Variants in PAPPA2 observed in about 807,000 individuals in gnomAD.
PAPPA2 encodes the protein pappalysin-2.
Under a neutral mutation model 176.4 loss-of-function variants are expected in PAPPA2, and 86 were observed. The observed-to-expected ratio is 0.49, with a 90% CI of 0.41 to 0.58. The LOEUF (loss-of-function observed/expected upper bound fraction) is 0.58. PAPPA2 is among the 20% of genes least tolerant of loss of function. The probability of loss-of-function intolerance (pLI) is 0.00; values close to 1 mark genes in which losing one functional copy is unlikely to be tolerated. For missense variants in PAPPA2, 2,073 were observed against 2,256.9 expected, an observed-to-expected ratio of 0.92 and a Z score of 1.65; for synonymous variants, 809 against 852.2, an observed-to-expected ratio of 0.95 and a Z score of 0.88.
intron 2 of PAPPA2, among the ~76,000 whole-genome samples, chr1:176,582,203 A>T (rs1188436648): frequency 6.6e-6 from 1 of 152,102 alleles, no homozygotes; most frequent in African/African-American, 2.4e-5. Context: ...TTGGGATTGC[A>T]GGCATGAGCC....
intron 3 of PAPPA2, among the ~76,000 whole-genome samples, chr1:176,647,752 T>C (rs898821453): frequency 6.6e-6 from 1 of 151,666 alleles, no homozygotes; most frequent in Admixed American, 6.6e-5. Flanking sequence ...CTGGGTTCTC[T>C]ACTTTGTTCC....
chr1:176,524,364 G>A (rs578115193), intron 1 of PAPPA2, among the ~76,000 whole-genome samples: 18 of 152,290 alleles, frequency 1.2e-4, no homozygotes, highest in African/African-American at 4.1e-4. Flanking sequence ...TCATGGGCCA[G>A]CCCTCAGGTC....
intron 18 of PAPPA2, among the ~76,000 whole-genome samples, chr1:176,790,234 G>A (rs1665116761): frequency 6.6e-6 from 1 of 152,158 alleles, no homozygotes; most frequent in Admixed American, 6.5e-5. Flanking sequence ...CAAAAAGAAT[G>A]CTGGGATCCT....
At chr1:176,596,588 G>T (rs1558462098) in intron 3 of PAPPA2, among the ~76,000 whole-genome samples, 1 of 152,188 alleles carries the variant, frequency 6.6e-6, no homozygotes, top group African/African-American at 2.4e-5. Context: ...TAGTACTTCA[G>T]ATAATTTGTC....
chr1:176,800,248 T>C (rs1665625495), intron 21 of PAPPA2, 116 bp downstream of exon 21: 1 of 889,654 alleles, frequency 1.1e-6, no homozygotes, highest in African/African-American at 1.7e-5. Flanking sequence ...CTGTCCTTTG[T>C]TTAACTTCTT....
intron 8 of PAPPA2, among the ~76,000 whole-genome samples, chr1:176,701,271 C>A (rs889286906): frequency 5.3e-5 from 8 of 152,196 alleles, no homozygotes; most frequent in Non-Finnish European, 1.5e-5. Context: ...GGGCTACCTG[C>A]CGCTGAGTTT....
intron 2 of PAPPA2, among the ~76,000 whole-genome samples, chr1:176,579,747 A>G (rs1159165145): frequency 2.0e-5 from 3 of 152,186 alleles, no homozygotes; most frequent in Non-Finnish European, 2.9e-5. Flanking sequence ...CCTTACTGGC[A>G]TTTGCTAACT....
At chr1:176,760,999 T>C (rs1416183504) in intron 14 of PAPPA2, among the ~76,000 whole-genome samples, 1 of 151,988 alleles carries the variant, frequency 6.6e-6, no homozygotes, top group Non-Finnish European at 1.5e-5. Context: ...TTTTTTGTAT[T>C]TTTAGTAGAG....
At chr1:176,691,939 TCTC>T (rs1384563709) in intron 5 of PAPPA2, among the ~76,000 whole-genome samples, 184 bp from the exon 6 acceptor site, 1 of 152,190 alleles carries the variant, frequency 6.6e-6, no homozygotes, top group Non-Finnish European at 1.5e-5. Flanking sequence ...GTCTCTGTCT[TCTC>T]TTACCCTTTC....
chr1:176,595,016 G>C lies in PAPPA2; in HGVS notation c.1412G>C (p.Arg471Thr). The C allele has an allele frequency of 1.9e-6, 3 of 1,614,188 alleles. No homozygotes were observed. The change falls in exon 3 of 23, where the codon AGA (arginine) becomes ACA (threonine). Residue 471 changes from arginine to threonine, a missense_variant. Arg to Thr is a moderately conservative substitution (Grantham distance 71, BLOSUM62 -1). Around this residue, in one of 4 missense-constraint regions of PAPPA2, gnomAD observed 1,196 missense variants for 1,330.4 expected, o/e 0.90. Coordinates refer to ENST00000367662, the MANE Select transcript of PAPPA2 (RefSeq NM_020318.3). ...GTGAACACAGAGTGGGTTCCCTTTA[G>C]AGATGAGAAGTACCCACGACTTGAG... ...EPVNTEWVPF[R>T]DEKYPRLEVL...
At chr1:176,486,182 G>A (rs1157715524) in intron 1 of PAPPA2, among the ~76,000 whole-genome samples, 1 of 152,210 alleles carries the variant, frequency 6.6e-6, no homozygotes, top group African/African-American at 2.4e-5. Context: ...GAAAGATAGA[G>A]AACTTTTCTT....
At chr1:176,472,211 A>T (rs1651910592) in intron 1 of PAPPA2, among the ~76,000 whole-genome samples, 2 of 152,142 alleles carry the variant, frequency 1.3e-5, no homozygotes, top group Admixed American at 1.3e-4. Flanking sequence ...TCTTTTATTC[A>T]ATTGTTTTCA....
intron 20 of PAPPA2, among the ~76,000 whole-genome samples, chr1:176,797,842 GT>G (rs1665515450): frequency 6.6e-6 from 1 of 152,032 alleles, no homozygotes; most frequent in African/African-American, 2.4e-5. Context: ...CTAAGTACTT[GT>G]TTTATTAATG....
chr1:176,609,474 T>C (rs771224878), intron 3 of PAPPA2, among the ~76,000 whole-genome samples: 3 of 152,054 alleles, frequency 2.0e-5, no homozygotes, highest in Non-Finnish European at 4.4e-5. Context: ...AAACAGAGAG[T>C]ACTTGCCATG....
chr1:176,638,401 A>G (rs1266719593), intron 3 of PAPPA2, among the ~76,000 whole-genome samples: 2 of 152,022 alleles, frequency 1.3e-5, no homozygotes, highest in African/African-American at 4.8e-5. Flanking sequence ...TGGTGGGTAG[A>G]TATTTGGTGG....
chr1:176,654,994 A>G (rs1429537646), intron 3 of PAPPA2, among the ~76,000 whole-genome samples: 1 of 151,852 alleles, frequency 6.6e-6, no homozygotes, highest in Non-Finnish European at 1.5e-5. Context: ...TTTTCTAGAC[A>G]TAAGATCATG....
At position 176,485,068 on chromosome 1, in the gene PAPPA2, A is replaced by G. The variant is rs563278319; in HGVS notation, c.-917+21650A>G. ...GATTTTTCAAGTTGTTCCACTTTTT[A>G]CTTGTTAGTACAGAGTGACAACTTC... On this transcript the variant is annotated intron_variant, in intron 1 of 22. Transcript: ENST00000367662. 3.9e-5 allele frequency among the ~76,000 whole-genome samples: 6 copies of G among 152,350 alleles called. No homozygotes were observed. The East Asian group carries it at 7.7e-4, about 20-fold the overall frequency.
At chr1:176,651,798 C>G (rs1657742731) in intron 3 of PAPPA2, among the ~76,000 whole-genome samples, 1 of 151,320 alleles carries the variant, frequency 6.6e-6, no homozygotes, top group Admixed American at 6.6e-5. Flanking sequence ...AGATAATTTT[C>G]TATATCTTGT....
At chr1:176,586,971 T>A (rs1486033250) in intron 2 of PAPPA2, among the ~76,000 whole-genome samples, 4 of 152,218 alleles carry the variant, frequency 2.6e-5, no homozygotes, top group African/African-American at 9.6e-5. Flanking sequence ...CCTGATTTTT[T>A]AATAATCACC....
Sources: gnomAD v4.1 joint callset for allele counts (sites outside exome capture counted in the v4.1 genomes callset) on GRCh38, gnomAD v4.1.1 for gene constraint, gnomAD v4.1.1 regional missense constraint, MANE v1.5 for transcripts, NCBI Gene and HGNC (gene_info 2026-07-23, HGNC 2026-07-21) for gene names.